Variants in CYSTM1 observed in about 807,000 individuals in gnomAD.
The protein encoded by CYSTM1 is cysteine rich transmembrane module containing 1.
Under a neutral mutation model 13.1 loss-of-function variants are expected in CYSTM1, and 4 were observed. The observed-to-expected ratio is 0.31, with a 90% confidence interval of 0.15 to 0.70. CYSTM1 has a LOEUF of 0.70. CYSTM1 is among the 30% of genes least tolerant of loss of function. The pLI is 0.72. For synonymous variants in CYSTM1, 36 were observed against 42.7 expected (o/e 0.84, Z 0.62); for missense variants, 96 against 121.6 (o/e 0.79, Z 0.99).
At chr5:140,224,527 CTTTT>C (rs1313608416) in intron 2 of CYSTM1, among the ~76,000 whole-genome samples, 2 of 151,838 alleles carry the variant, frequency 1.3e-5, no homozygotes, top group Non-Finnish European at 2.9e-5. Flanking sequence ...TTCTTTTTTT[CTTTT>C]ATTTTTGGAG....
At chr5:140,236,354 G>GT (rs770856341) in intron 2 of CYSTM1, among the ~76,000 whole-genome samples, 1 of 152,210 alleles carries the variant, frequency 6.6e-6, no homozygotes, top group Non-Finnish European at 1.5e-5. Context: ...ACTGTATGAT[G>GT]TTTTGCAAGA....
At chr5:140,205,326 A>AG (rs574893232) in intron 2 of CYSTM1, among the ~76,000 whole-genome samples, 12 of 152,300 alleles carry the variant, frequency 7.9e-5, no homozygotes, top group Admixed American at 7.8e-4. Flanking sequence ...AGTCAGTGTG[A>AG]GGAAAGAAGA....
intron 1 of CYSTM1, among the ~76,000 whole-genome samples, chr5:140,179,217 G>A (rs542391472): frequency 3.3e-5 from 5 of 151,366 alleles, no homozygotes; most frequent in Admixed American, 2.0e-4. Context: ...CCATGATCAC[G>A]CCACCGCACT....
chr5:140,192,004 C>G (rs574411718), intron 1 of CYSTM1, among the ~76,000 whole-genome samples: 30 of 152,128 alleles, frequency 2.0e-4, no homozygotes, highest in African/African-American at 7.0e-4. Flanking sequence ...AGTTGCAGAC[C>G]AGAGCGCAGA....
At chr5:140,198,272 A>G (rs555445976) in intron 2 of CYSTM1, among the ~76,000 whole-genome samples, 2 of 151,938 alleles carry the variant, frequency 1.3e-5, no homozygotes, top group Admixed American at 1.3e-4. Flanking sequence ...ATCACCCCCA[A>G]CTCACTGGCT....
At chr5:140,226,794 T>C (rs1364949928) in intron 2 of CYSTM1, among the ~76,000 whole-genome samples, 1 of 148,142 alleles carries the variant, frequency 6.8e-6, no homozygotes, top group African/African-American at 2.5e-5. Context: ...GGAGGGGATA[T>C]TTCCAGGACA....
At chr5:140,193,880 AC>A (rs1028878317) in intron 1 of CYSTM1, among the ~76,000 whole-genome samples, 8 of 152,214 alleles carry the variant, frequency 5.3e-5, no homozygotes, top group African/African-American at 1.7e-4. Context: ...TCTGGGGAGA[AC>A]AACCAGATCA....
In CYSTM1 at chr5:140,241,604, A is replaced by G. The variant is rs549742364; in HGVS notation, c.188-1701A>G. On this transcript the variant is annotated intron_variant, in intron 2 of 2. Transcript: ENST00000261811. ...GGGGCAGGCGAGCCAATCCTGTGACAGGGAGAGCACAGGGAAGGGGTTATT... is the reference window on the plus strand; with the variant it reads ...GGGGCAGGCGAGCCAATCCTGTGACGGGGAGAGCACAGGGAAGGGGTTATT... Among the ~76,000 whole-genome samples the G allele has an allele frequency of 1.2e-4, 18 of 152,314 alleles. No individual in the cohort carries two copies. The South Asian group carries it at 3.3e-3, about 28-fold the overall frequency.
rs780689232 is a variant in CYSTM1 at position 140,239,510 on chromosome 5, C to T, written c.188-3795C>T. ...AGGGCTTGTTGGACAGGCCTGGCAT[C>T]GTCCATCTATCTTTTCTGCTTCCAG... On this transcript the variant is annotated intron_variant, in intron 2 of 2. Coordinates refer to ENST00000261811, the MANE Select transcript of CYSTM1 (RefSeq NM_032412.4). The surrounding 1 kb of genome is among the most constrained non-coding windows in gnomAD (Gnocchi z 5.4). Among the ~76,000 whole-genome samples the T allele has an allele frequency of 1.8e-4, 28 of 152,158 alleles. No homozygotes were observed. The highest frequency in any genetic ancestry group is 3.7e-4 in the Non-Finnish European group (25 of 68,016).
At chr5:140,182,139 A>G (rs1243993446) in intron 1 of CYSTM1, among the ~76,000 whole-genome samples, 1 of 152,242 alleles carries the variant, frequency 6.6e-6, no homozygotes, top group African/African-American at 2.4e-5. Flanking sequence ...TAACTACTAC[A>G]TCACCTGTCA....
chr5:140,204,257 G>T (rs372011081), intron 2 of CYSTM1, among the ~76,000 whole-genome samples: 1 of 152,010 alleles, frequency 6.6e-6, no homozygotes, highest in South Asian at 2.1e-4. Context: ...CCTGTAGTCC[G>T]ATCTGCTCAG....
At chr5:140,231,455 G>A (rs1244793284) in intron 2 of CYSTM1, among the ~76,000 whole-genome samples, 1 of 152,208 alleles carries the variant, frequency 6.6e-6, no homozygotes, top group Non-Finnish European at 1.5e-5. Context: ...TAGCTCCAGA[G>A]TGTCAGGTGA....
intron 2 of CYSTM1, chr5:140,202,641 T>C (rs1764246889): frequency 6.6e-6 from 1 of 152,224 alleles, no homozygotes; most frequent in Non-Finnish European, 1.5e-5. Flanking sequence ...ATCCATCAAC[T>C]TTCTTCTTGG....
intron 2 of CYSTM1, chr5:140,202,368 A>T (rs1764244147): frequency 6.6e-6 from 1 of 152,256 alleles, no homozygotes; most frequent in Admixed American, 6.5e-5. Context: ...TAAGGATTAG[A>T]TCCAAAAGGT....
At chr5:140,185,313 G>T (rs1214663167) in intron 1 of CYSTM1, among the ~76,000 whole-genome samples, 1 of 152,200 alleles carries the variant, frequency 6.6e-6, no homozygotes, top group African/African-American at 2.4e-5. Flanking sequence ...GTACTCCATA[G>T]AGGGGCTATT....
chr5:140,177,562 T>A (rs1404352249), intron 1 of CYSTM1, among the ~76,000 whole-genome samples: 1 of 152,178 alleles, frequency 6.6e-6, no homozygotes, highest in Non-Finnish European at 1.5e-5. Context: ...GGTTTGTGCG[T>A]AAATATAGAA....
intron 2 of CYSTM1, among the ~76,000 whole-genome samples, chr5:140,209,724 A>G (rs12717951): frequency 0.49 from 74,708 of 151,630 alleles, 18,594 homozygotes; most frequent in South Asian, 0.71. Flanking sequence ...CACCGTGCCC[A>G]GTAATTTTGT....
At chr5:140,227,027 G>A (rs760697342) in intron 2 of CYSTM1, among the ~76,000 whole-genome samples, 25 of 152,164 alleles carry the variant, frequency 1.6e-4, no homozygotes, top group Non-Finnish European at 2.5e-4. Flanking sequence ...TATGATGGAT[G>A]TTCACACTCA....
chr5:140,203,904 A>G (rs1764259111), intron 2 of CYSTM1, among the ~76,000 whole-genome samples: 1 of 152,210 alleles, frequency 6.6e-6, no homozygotes, highest in Admixed American at 6.5e-5. Flanking sequence ...ATACAGCTTC[A>G]GCATACCCCA....
Sources: allele counts gnomAD v4.1 joint callset (sites outside exome capture counted in the v4.1 genomes callset), GRCh38; gene constraint gnomAD v4.1.1; non-coding constraint Gnocchi (gnomAD v3.1); transcripts MANE v1.5; gene names NCBI Gene and HGNC (gene_info 2026-07-23, HGNC 2026-07-21).